The following DYNC2I1 variants were observed in gnomAD, a reference collection of about 807,000 sequenced individuals.
The protein encoded by DYNC2I1 is dynein 2 intermediate chain 1.
In DYNC2I1, 89 loss-of-function variants were observed where a neutral mutation model predicts 133.4. That is an observed-to-expected ratio of 0.67 (90% CI 0.56 to 0.80). DYNC2I1 has a LOEUF of 0.80. Ranked by LOEUF, DYNC2I1 falls within the 30% of genes least tolerant of loss-of-function variation. The pLI is 0.00. For synonymous variants in DYNC2I1, 504 were observed against 484.3 expected, an observed-to-expected ratio of 1.04 and a Z score of -0.54; for missense variants, 1,291 against 1,314.5, an observed-to-expected ratio of 0.98 and a Z score of 0.28.
At chr7:158,881,739 T>C (rs565790851) in intron 5 of DYNC2I1, among the ~76,000 whole-genome samples, 5 of 152,292 alleles carry the variant, frequency 3.3e-5, no homozygotes, top group Non-Finnish European at 5.9e-5. Flanking sequence ...AGGCATGAGC[T>C]ACCGCGCCCG....
chr7:158,920,044 CCAACGGGGAACACG>C (rs1848869855), intron 15 of DYNC2I1, among the ~76,000 whole-genome samples: 2 of 151,952 alleles, frequency 1.3e-5, no homozygotes, highest in African/African-American at 2.4e-5. Flanking sequence ...CGTGTGGCCT[CCAACGGGGAACACG>C]TGAAGTGTGT....
chr7:158,910,045 A>G (rs1160695899), intron 11 of DYNC2I1, among the ~76,000 whole-genome samples: 1 of 152,150 alleles, frequency 6.6e-6, no homozygotes, highest in Non-Finnish European at 1.5e-5. Context: ...CTGTGCATTC[A>G]TTGAGCACCG....
At chr7:158,845,448 T>C in the DYNC2I1 span, among the ~76,000 whole-genome samples, 1 of 152,226 alleles carries the variant, frequency 6.6e-6, no homozygotes, top group Non-Finnish European at 1.5e-5. Flanking sequence ...ATTGATCAAG[T>C]GGTTTCATAC....
intron 7 of DYNC2I1, among the ~76,000 whole-genome samples, chr7:158,890,958 G>C (rs1845151745): frequency 6.6e-6 from 1 of 152,216 alleles, no homozygotes; most frequent in African/African-American, 2.4e-5. Flanking sequence ...ATCAGATGCA[G>C]GGATCTGGAC....
At chr7:158,870,969 ACATC>A (rs1173988163) in intron 2 of DYNC2I1, among the ~76,000 whole-genome samples, 169 bp from the exon 3 acceptor site, 1 of 152,224 alleles carries the variant, frequency 6.6e-6, no homozygotes, top group African/African-American at 2.4e-5. Context: ...TGTTCTAAGA[ACATC>A]CATGCAGGCT....
intron 3 of DYNC2I1, among the ~76,000 whole-genome samples, chr7:158,874,040 TCAGCCA>T (rs981239249): frequency 6.6e-6 from 1 of 151,790 alleles, no homozygotes; most frequent in Non-Finnish European, 1.5e-5. Flanking sequence ...ATTATAGGCG[TCAGCCA>T]CAGCGCCCGG....
chr7:158,886,949 AT>A lies in DYNC2I1; in HGVS notation c.936-71del, dbSNP rs141531106. The A allele has an allele frequency of 2.0e-3, 2,750 of 1,404,160 alleles. 53 individuals carry two copies. In the African/African-American group the frequency reaches 0.034, roughly 18 times the overall value. The allele number at this position is 1,404,160 out of a possible 1,614,324, so 87.0% of individuals were successfully genotyped here. The stretch of plus-strand genomic sequence containing the variant: ...AATATTGTTAAGAGCTTTCACTGAT[AT>A]GGAAAATGTTTTATTTTTTAAAAGC... On this transcript the variant is annotated intron_variant, in intron 6 of 24. Coordinates refer to ENST00000407559, the MANE Select transcript of DYNC2I1 (RefSeq NM_018051.5).
intron 3 of DYNC2I1, among the ~76,000 whole-genome samples, chr7:158,874,826 A>G (rs540028743): frequency 2.3e-4 from 35 of 152,202 alleles, no homozygotes; most frequent in African/African-American, 8.4e-4. Flanking sequence ...TTGAAGTCTA[A>G]TGGGTAATAC....
At chr7:158,900,518 G>A (rs560353320) in intron 8 of DYNC2I1, among the ~76,000 whole-genome samples, 121 of 152,228 alleles carry the variant, frequency 7.9e-4, no homozygotes, top group African/African-American at 2.8e-3. Flanking sequence ...TCTGTAGTTT[G>A]AATATAAGAT....
rs200444765 is a variant in DYNC2I1, at chr7:158,896,015, G to GT, written c.1059+4690dup. Among the ~76,000 whole-genome samples the GT allele has an allele frequency of 1.2e-3, 180 of 151,892 alleles. 1 individual carries two copies. The highest frequency in any genetic ancestry group is 3.9e-3 in the African/African-American group (163 of 41,406). On this transcript the variant is annotated intron_variant, in intron 8 of 24. Transcript: ENST00000407559. ...GTAATTGCTTATTATTTCCAGTCAG[G>GT]TTTTTTTTGTTCAATTCTTTCATAT...
chr7:158,877,494 T>C (rs1342788836), intron 4 of DYNC2I1, among the ~76,000 whole-genome samples: 2 of 152,226 alleles, frequency 1.3e-5, no homozygotes, highest in African/African-American at 4.8e-5. Flanking sequence ...AATGTAAACT[T>C]AACTCATTAG....
At chr7:158,914,703 A>T (rs115370421) in intron 14 of DYNC2I1, among the ~76,000 whole-genome samples, 3,257 of 152,300 alleles carry the variant, frequency 0.021, 104 homozygotes, top group African/African-American at 0.073. Context: ...GAAAAATTTT[A>T]AAAATCCATA....
intron 8 of DYNC2I1, among the ~76,000 whole-genome samples, chr7:158,893,174 C>T (rs986633424): frequency 6.6e-6 from 1 of 152,120 alleles, no homozygotes; most frequent in African/African-American, 2.4e-5. Context: ...TGACGTGGAT[C>T]CACCACAGGG....
chr7:158,900,732 T>TG (rs1846160574), intron 8 of DYNC2I1, among the ~76,000 whole-genome samples: 1 of 43,920 alleles, frequency 2.3e-5, no homozygotes, highest in African/African-American at 2.2e-4. Flanking sequence ...TTTTGTTCTG[T>TG]TTTTTTTTTT....
At chr7:158,883,249 A>G (rs1341599312) in intron 5 of DYNC2I1, among the ~76,000 whole-genome samples, 1 of 139,502 alleles carries the variant, frequency 7.2e-6, no homozygotes, top group Non-Finnish European at 1.5e-5. Flanking sequence ...ATTGAGTCTC[A>G]CTGTATCGCC....
intron 1 of DYNC2I1, among the ~76,000 whole-genome samples, chr7:158,862,454 G>A (rs554715682): frequency 6.6e-6 from 1 of 151,938 alleles, no homozygotes; most frequent in South Asian, 2.1e-4. Context: ...GGCCAGGTGT[G>A]GTGGCTCATG....
chr7:158,881,517 G>A (rs368491170), intron 5 of DYNC2I1, among the ~76,000 whole-genome samples: 48 of 152,140 alleles, frequency 3.2e-4, no homozygotes, highest in African/African-American at 1.1e-3. Context: ...GCAGTGGTGC[G>A]ATCTCGGCTC....
chr7:158,914,422 T>C, intron 14 of DYNC2I1, 101 bp downstream of exon 14: 1 of 901,078 alleles, frequency 1.1e-6, no homozygotes, highest in East Asian at 2.7e-5. Flanking sequence ...TCTTTGTAGC[T>C]TGGATAAATC....
At chr7:158,896,849 A>AG (rs1222379641) in intron 8 of DYNC2I1, among the ~76,000 whole-genome samples, 1 of 146,566 alleles carries the variant, frequency 6.8e-6, no homozygotes, top group Non-Finnish European at 1.5e-5. Context: ...TGTATTCGTG[A>AG]ATGATATTGG....
Sources: gnomAD v4.1 joint callset for allele counts (sites outside exome capture counted in the v4.1 genomes callset) on GRCh38, gnomAD v4.1.1 for gene constraint, MANE v1.5 for transcripts, NCBI Gene and HGNC (gene_info 2026-07-23, HGNC 2026-07-21) for gene names.